Variants in MTR observed in about 807,000 individuals in gnomAD.
The protein encoded by MTR is 5-methyltetrahydrofolate-homocysteine methyltransferase, also known as methionine synthase.
A neutral mutation model predicts 154.8 loss-of-function variants in MTR; 84 were observed. The ratio of observed to expected loss-of-function variants is 0.54; its 90% CI spans 0.45 to 0.65. The LOEUF is 0.65. Among genes scored for constraint, MTR ranks in the 30% least tolerant of loss-of-function variants. The probability of loss-of-function intolerance (pLI) is 0.00; values close to 1 mark genes in which losing one functional copy is unlikely to be tolerated. For missense variants in MTR, 1,275 were observed against 1,570.2 expected (o/e 0.81, Z 3.18); for synonymous variants, 554 against 553.9 (o/e 1.00, Z 0.00).
Position 236,826,916 on chromosome 1 carries a change from A to G in MTR, c.995+20A>G, listed in dbSNP as rs929364801. 1 of 1,600,414 alleles carries G rather than the reference A, an allele frequency of 6.2e-7. No individual in the cohort carries two copies. Among genetic ancestry groups the G allele is most frequent in the African/African-American group, 1.3e-5 (1 of 74,642 alleles). ...TATCAGGTAATAATCACCTATAGACAATATATCTAAAACCAAGTGGATAAT... is the reference window on the plus strand; with the variant it reads ...TATCAGGTAATAATCACCTATAGACGATATATCTAAAACCAAGTGGATAAT... On this transcript the variant is annotated intron_variant, in intron 11 of 32. Transcript: ENST00000366577.
chr1:236,811,015 C>T (rs1177249624), intron 5 of MTR, among the ~76,000 whole-genome samples: 2 of 152,118 alleles, frequency 1.3e-5, no homozygotes, highest in South Asian at 2.1e-4. Context: ...CTGATAAAGG[C>T]GTACAAGACT....
intron 26 of MTR, among the ~76,000 whole-genome samples, 185 bp from the exon 27 acceptor site, chr1:236,886,107 A>G (rs935032553): frequency 3.3e-5 from 5 of 152,194 alleles, no homozygotes; most frequent in Non-Finnish European, 5.9e-5. Flanking sequence ...TTTACTATCT[A>G]TTGTTCTGGT....
rs41305961 is a variant in MTR at position 236,900,818 on chromosome 1, C to T, written c.*3174C>T. 0.023 allele frequency: 3,440 copies of T among 152,632 alleles called. 56 individuals carry two copies. Among genetic ancestry groups the T allele is most frequent in the Non-Finnish European group, 0.036 (2,434 of 68,090 alleles). The allele number at this position is 152,632 out of a possible 1,614,324, so 9.5% of individuals were successfully genotyped here. Reference sequence around the variant, plus strand: ...TGCTGCTGCCAGCAGTGCCCAGATACCAGGCTTTGGGGAATGAGTGGATGG... The same window carrying T: ...TGCTGCTGCCAGCAGTGCCCAGATATCAGGCTTTGGGGAATGAGTGGATGG... On this transcript the variant is annotated 3_prime_UTR_variant, in exon 33 of 33. Transcript: ENST00000366577.
intron 22 of MTR, among the ~76,000 whole-genome samples, chr1:236,866,596 G>A (rs887937308): frequency 2.0e-5 from 3 of 152,212 alleles, no homozygotes; most frequent in Non-Finnish European, 2.9e-5. Flanking sequence ...TAGTGAGGAA[G>A]GCATGTCAAA....
In MTR at chr1:236,803,449, G is replaced by A. The variant is rs767724201; in HGVS notation, c.56G>A (p.Arg19Gln). The change falls in exon 2 of 33, where the codon CGG (arginine) becomes CAG (glutamine). Residue 19 changes from arginine (R) to glutamine (Q), a missense_variant. Coordinates refer to ENST00000366577, the MANE Select transcript of MTR (RefSeq NM_000254.3). ...AAAGAAGGTCTGAAGAAAACCCTGC[G>A]GGATGAGATCAATGCCATTCTGCAG... ...SQPEGLKKTL[R>Q]DEINAILQKR... The A allele has an allele frequency of 7.4e-6, 12 of 1,613,952 alleles. No homozygotes were observed. The East Asian group carries it at 1.1e-4, about 15-fold the overall frequency.
chr1:236,888,744 A>G (rs992840291), intron 27 of MTR, among the ~76,000 whole-genome samples: 1 of 152,220 alleles, frequency 6.6e-6, no homozygotes, highest in African/African-American at 2.4e-5. Flanking sequence ...CTTTGAGCAT[A>G]TGTGTCAGTA....
chr1:236,900,166 G>A lies in MTR; in HGVS notation c.*2522G>A, dbSNP rs1184698474. On this transcript the variant is annotated 3_prime_UTR_variant, in exon 33 of 33. Coordinates refer to ENST00000366577, the MANE Select transcript of MTR (RefSeq NM_000254.3). ...AATAACTGGAAAAAGTGAAATGTATGTCTGTCTACAGGAAAATAGGTGAAT... is the reference window on the plus strand; with the variant it reads ...AATAACTGGAAAAAGTGAAATGTATATCTGTCTACAGGAAAATAGGTGAAT... 3 of 409,378 alleles carry A rather than the reference G, an allele frequency of 7.3e-6. No individual in the cohort carries two copies. The highest frequency in any genetic ancestry group is 5.5e-5 in the Admixed American group (2 of 36,094). 25.4% of individuals were successfully genotyped at this position (409,378 alleles called of 1,614,324 possible).
At chr1:236,854,387 A>T (rs547925257) in intron 18 of MTR, among the ~76,000 whole-genome samples, 2 of 152,182 alleles carry the variant, frequency 1.3e-5, no homozygotes, top group Non-Finnish European at 2.9e-5. Flanking sequence ...ATCAAGTTCT[A>T]CTTCTCAGCA....
At chr1:236,896,746 A>G (rs1666645623) in intron 31 of MTR, among the ~76,000 whole-genome samples, 2 of 152,088 alleles carry the variant, frequency 1.3e-5, no homozygotes, top group African/African-American at 4.8e-5. Flanking sequence ...GGATGGCTGG[A>G]GGTGGGAGTG....
intron 29 of MTR, among the ~76,000 whole-genome samples, chr1:236,892,380 G>A (rs1283042290): frequency 6.6e-6 from 1 of 152,094 alleles, no homozygotes; most frequent in Non-Finnish European, 1.5e-5. Context: ...TACTCGGGAG[G>A]ATGAGGCGGG....
intron 31 of MTR, among the ~76,000 whole-genome samples, chr1:236,896,777 T>A (rs568407801): frequency 2.0e-5 from 3 of 151,888 alleles, no homozygotes; most frequent in Admixed American, 6.6e-5. Flanking sequence ...CCCAGGCCTG[T>A]CCCCCTGGGT....
chr1:236,903,931 C>T lies in MTR; in HGVS notation c.*6287C>T, dbSNP rs141601861. The T allele has an allele frequency of 1.4e-4, 22 of 152,156 alleles. No homozygotes were observed. Among genetic ancestry groups the T allele is most frequent in the African/African-American group, 4.1e-4 (17 of 41,534 alleles). 9.4% of individuals were successfully genotyped at this position (152,156 alleles called of 1,614,324 possible). A position where few individuals can be genotyped will look rare whatever the true frequency, so the allele number is the denominator to read the frequency against. ...ATATTTTCAATAAAATATATAAAAT[C>T]GAGTTGGTATATAGTGCCAAATACC... On this transcript the variant is annotated 3_prime_UTR_variant, in exon 33 of 33. Transcript: ENST00000366577.
intron 18 of MTR, among the ~76,000 whole-genome samples, chr1:236,858,252 T>A (rs896357496): frequency 6.6e-6 from 1 of 152,124 alleles, no homozygotes; most frequent in Non-Finnish European, 1.5e-5. Context: ...AAAGCACGTC[T>A]TACATGACAG....
At chr1:236,853,555 A>G (rs1039272721) in intron 18 of MTR, among the ~76,000 whole-genome samples, 3 of 152,228 alleles carry the variant, frequency 2.0e-5, no homozygotes, top group African/African-American at 2.4e-5. Flanking sequence ...AAATAGAACT[A>G]TACTCTAGAT....
chr1:236,894,601 G>A (rs573356881), intron 30 of MTR, 44 bp downstream of exon 30: 12 of 1,609,842 alleles, frequency 7.5e-6, no homozygotes, highest in Non-Finnish European at 1.0e-5. Context: ...ACAGAGGCCA[G>A]GCAGTAGGGA....
chr1:236,810,868 A>G lies in MTR; in HGVS notation c.502+273A>G, dbSNP rs115177666. ...AGCTGTGGAAATAAAACCAACTAAA[A>G]TAAAGCTGTAAACTCAGAAGTTGAA... is the stretch of plus-strand genomic sequence containing the variant. On this transcript the variant is annotated intron_variant, in intron 5 of 32. Coordinates refer to ENST00000366577, the MANE Select transcript of MTR (RefSeq NM_000254.3). Among the ~76,000 whole-genome samples, 280 of 152,332 alleles carry G rather than the reference A, an allele frequency of 1.8e-3. 4 individuals are homozygous for G. The highest frequency in any genetic ancestry group is 6.5e-3 in the African/African-American group (269 of 41,582).
chr1:236,884,392 G>A (rs1665907585), intron 25 of MTR, among the ~76,000 whole-genome samples: 1 of 152,080 alleles, frequency 6.6e-6, no homozygotes, highest in Non-Finnish European at 1.5e-5. Flanking sequence ...TAACCCAGAG[G>A]GTTCCCAAGA....
rs1199201350 is a variant in MTR, at chr1:236,863,571, C to A, written c.2405+17C>A. ...TAATTTCCGGTAAGTTAGGACCTCA[C>A]CTCTTTCAACCCCTTTTCCATTTAA... On this transcript the variant is annotated intron_variant, in intron 22 of 32. Transcript: ENST00000366577. 1 of 1,590,572 alleles carries A rather than the reference C, an allele frequency of 6.3e-7. No individual in the cohort carries two copies.
Position 236,897,310 on chromosome 1 carries a change from G to GCGCGCGCGCGCACGCGCGCGCACACACA in MTR, c.3711+193_3711+194insGCGCGCGCGCACGCGCGCGCACACACAC. On this transcript the variant is annotated intron_variant, in intron 32 of 32. Transcript: ENST00000366577. ...ACTTCTACATGCAAGCCACACACAC[G>GCGCGCGCGCGCACGCGCGCGCACACACA]CACACACACACACACACACACACAC... 3.1e-5 allele frequency among the ~76,000 whole-genome samples: 4 copies of GCGCGCGCGCGCACGCGCGCGCACACACA among 128,682 alleles called. No homozygotes were observed. The South Asian group carries it at 1.1e-3, about 35-fold the overall frequency. The allele number at this position is 128,682 out of a possible 152,430, so 84.4% of individuals were successfully genotyped here. A position where few individuals can be genotyped will look rare whatever the true frequency, so the allele number is the denominator to read the frequency against.
Sources: gnomAD v4.1 joint callset for allele counts (sites outside exome capture counted in the v4.1 genomes callset) on GRCh38, gnomAD v4.1.1 for gene constraint, MANE v1.5 for transcripts, NCBI Gene and HGNC (gene_info 2026-07-23, HGNC 2026-07-21) for gene names.